Variants in HDHD5 observed in about 807,000 individuals in gnomAD.
HDHD5 encodes haloacid dehalogenase like hydrolase domain containing 5.
In HDHD5, 34 loss-of-function variants were observed where a neutral mutation model predicts 35.5. The ratio of observed to expected loss-of-function variants is 0.96; its 90% CI spans 0.73 to 1.28. The LOEUF is 1.28. Among genes scored for constraint, HDHD5 ranks in the 50% most tolerant of loss-of-function variants. The probability of loss-of-function intolerance (pLI) is 0.00; values close to 1 mark genes in which losing one functional copy is unlikely to be tolerated. For missense variants in HDHD5, 589 were observed against 560.2 expected (o/e 1.05, Z -0.52); for synonymous variants, 248 against 240.6 (o/e 1.03, Z -0.29).
chr22:17,159,815 T>TAGAGGC (rs2061849805), upstream of HDHD5: 3 of 279,638 alleles, frequency 1.1e-5, no homozygotes, highest in Non-Finnish European at 2.1e-5. Context: ...TGCGGAGAGG[T>TAGAGGC]AGAGGCACGA....
intron 7 of HDHD5, 29 bp from the exon 8 acceptor site, chr22:17,138,386 A>G: frequency 6.3e-7 from 1 of 1,588,882 alleles, no homozygotes; most frequent in Non-Finnish European, 8.6e-7. Context: ...CCGGAAAAGG[A>G]AAAAGGAGAA....
rs749692710 is a variant in HDHD5 at position 17,143,104 on chromosome 22, T to C, written c.565A>G (p.Ile189Val). 6.2e-7 allele frequency: 1 copy of C among 1,610,174 alleles called. No homozygotes were observed. The highest frequency in any genetic ancestry group is 1.7e-5 in the Admixed American group (1 of 59,296). Residue 189 changes from isoleucine (I) to valine (V), a missense_variant, in exon 5 of 8, where the codon ATT becomes GTT. By Grantham distance (29) the Ile-to-Val change is conservative. Transcript: ENST00000336737. The part of the protein sequence containing the change: ...TPLPRNDFPR[I>V]EGVLLLGEPV... ...CAAAGAGGACCTCTCTTACCTTCAA[T>C]GCGGGGGAAGTCATTCCTCGGGAGG...
upstream of HDHD5, among the ~76,000 whole-genome samples, chr22:17,161,652 G>C (rs748624309): frequency 1.1e-3 from 165 of 151,824 alleles, 1 homozygote; most frequent in Non-Finnish European, 1.6e-3. Flanking sequence ...TGGATCACTT[G>C]AGTCCAGGAA....
rs58807817 is a variant in HDHD5, at chr22:17,157,085, T to TACACAC, written c.126+2035_126+2040dup. Among the ~76,000 whole-genome samples the TACACAC allele has an allele frequency of 9.7e-3, 1,396 of 143,680 alleles. 13 individuals are homozygous for TACACAC. Among genetic ancestry groups the TACACAC allele is most frequent in the African/African-American group, 0.018 (684 of 38,334 alleles). The allele number at this position is 143,680 out of a possible 152,430, so 94.3% of individuals were successfully genotyped here. ...AGAGCTAGACACCGTCTCACACACA[T>TACACAC]ACACACACACACACACACACACACA... On this transcript the variant is annotated intron_variant, in intron 1 of 7. Transcript: ENST00000336737.
chr22:17,151,467 C>T (rs914421659), intron 1 of HDHD5, among the ~76,000 whole-genome samples: 3 of 152,070 alleles, frequency 2.0e-5, no homozygotes, highest in African/African-American at 7.2e-5. Flanking sequence ...TGGTGGCTCA[C>T]GCCTGTAATC....
chr22:17,144,054 C>CCT (rs2061629329), intron 4 of HDHD5, among the ~76,000 whole-genome samples: 1 of 152,206 alleles, frequency 6.6e-6, no homozygotes, highest in South Asian at 2.1e-4. Flanking sequence ...AAGCAAGCTA[C>CCT]CTCTCCCGAG....
At position 17,141,688 on chromosome 22, in the gene HDHD5, C is replaced by T. The variant is rs1020180522; in HGVS notation, c.572-455G>A. 163 of 890,818 alleles carry T rather than the reference C, an allele frequency of 1.8e-4. No homozygotes were observed. The African/African-American group carries it at 2.6e-3, about 14-fold the overall frequency. 55.2% of individuals were successfully genotyped at this position (890,818 alleles called of 1,614,324 possible). On this transcript the variant is annotated intron_variant, in intron 5 of 7. Transcript: ENST00000336737. ...ACTTGAAACCCAACCTGGACTCCAC[C>T]GATTCTCCTGTATGACTGTGGCCAA...
intron 1 of HDHD5, among the ~76,000 whole-genome samples, chr22:17,155,441 T>C (rs2061778845): frequency 6.6e-6 from 1 of 152,028 alleles, no homozygotes; most frequent in African/African-American, 2.4e-5. Context: ...GAGACGGGGT[T>C]TCACCATATT....
At chr22:17,152,459 A>G (rs1414234133) in intron 1 of HDHD5, among the ~76,000 whole-genome samples, 1 of 152,120 alleles carries the variant, frequency 6.6e-6, no homozygotes, top group Non-Finnish European at 1.5e-5. Context: ...ACGGACTCCC[A>G]TGCTTTTTTA....
At chr22:17,146,522 C>T (rs1456204527) in intron 3 of HDHD5, among the ~76,000 whole-genome samples, 1 of 137,776 alleles carries the variant, frequency 7.3e-6, no homozygotes, top group African/African-American at 2.7e-5. Flanking sequence ...TTCAATCACA[C>T]GTCATCGCAC....
intron 3 of HDHD5, among the ~76,000 whole-genome samples, chr22:17,145,459 T>C (rs1385235189): frequency 1.3e-5 from 2 of 152,126 alleles, no homozygotes; most frequent in African/African-American, 4.8e-5. Flanking sequence ...ATCCCAGCAC[T>C]TTGGGAGGCT....
At chr22:17,147,335 G>A (rs1375256465) in intron 3 of HDHD5, among the ~76,000 whole-genome samples, 19 of 93,846 alleles carry the variant, frequency 2.0e-4, no homozygotes, top group African/African-American at 1.4e-4. Flanking sequence ...ACACGCCATC[G>A]CACACGCCCC....
rs1333475920 is a variant in HDHD5 at position 17,143,099 on chromosome 22, T to A, written c.570A>T (p.Glu190Asp). The A allele has an allele frequency of 1.2e-6, 2 of 1,610,472 alleles. No individual in the cohort carries two copies. Among genetic ancestry groups the A allele is most frequent in the Non-Finnish European group, 1.7e-6 (2 of 1,178,552 alleles). Residue 190 changes from glutamate (E) to aspartate (D), a missense_variant and splice_region_variant, in exon 5 of 8, where the codon GAA becomes GAT. By Grantham distance (45) the Glu-to-Asp change is conservative. Coordinates refer to ENST00000336737, the MANE Select transcript of HDHD5 (RefSeq NM_033070.3). ...CTCATCAAAGAGGACCTCTCTTACC[T>A]TCAATGCGGGGGAAGTCATTCCTCG... ...PLPRNDFPRIEGVLLLGEPVR... is the reference protein window; with the variant it reads ...PLPRNDFPRIDGVLLLGEPVR...
rs2061706910 is a variant in HDHD5, at chr22:17,149,843, T to C, written c.127-98A>G. ...CCATCCTCGGGTCACTCATGTCCCT[T>C]GAAAACCTATGTCAGAAAGAACAAA... On this transcript the variant is annotated intron_variant, in intron 1 of 7. Coordinates refer to ENST00000336737, the MANE Select transcript of HDHD5 (RefSeq NM_033070.3). The C allele has an allele frequency of 1.0e-5, 10 of 971,386 alleles. No homozygotes were observed. In the South Asian group the frequency reaches 1.6e-4, roughly 16 times the overall value. The allele number at this position is 971,386 out of a possible 1,614,324, so 60.2% of individuals were successfully genotyped here.
At chr22:17,153,817 T>C (rs1450988052) in intron 1 of HDHD5, among the ~76,000 whole-genome samples, 5 of 152,052 alleles carry the variant, frequency 3.3e-5, no homozygotes, top group East Asian at 1.9e-4. Context: ...TAGGGAGAAA[T>C]AGATACTTCC....
At chr22:17,151,123 C>G (rs1329506472) in intron 1 of HDHD5, among the ~76,000 whole-genome samples, 1 of 152,156 alleles carries the variant, frequency 6.6e-6, no homozygotes, top group East Asian at 1.9e-4. Context: ...CCACTGGCAA[C>G]GTACTTTACC....
intron 5 of HDHD5, 66 bp downstream of exon 5, chr22:17,143,032 C>G (rs773818594): frequency 9.5e-6 from 15 of 1,576,996 alleles, no homozygotes; most frequent in Non-Finnish European, 1.2e-5. Context: ...CACACTGAGA[C>G]AGCCTGAGGG....
intron 3 of HDHD5, among the ~76,000 whole-genome samples, chr22:17,145,426 G>A (rs541223280): frequency 1.5e-4 from 23 of 152,208 alleles, no homozygotes; most frequent in Non-Finnish European, 2.4e-4. Context: ...GTCCCCAGCT[G>A]GGTGCAGTGG....
chr22:17,159,247 G>A lies in HDHD5; in HGVS notation c.5C>T (p.Ala2Val). ...GAGCGCAGCCACACAGCCCCACGCAGCCATCCGGCCGTCGCCGTGCGCACG... is the reference window on the plus strand; with the variant it reads ...GAGCGCAGCCACACAGCCCCACGCAACCATCCGGCCGTCGCCGTGCGCACG... M[A>V]AWGCVAALGA... The change falls in exon 1 of 8, where the codon GCT (alanine) becomes GTT (valine). Residue 2 changes from alanine to valine, a missense_variant. Ala to Val is a moderately conservative substitution (Grantham distance 64). Transcript: ENST00000336737. 1 of 1,226,600 alleles carries A rather than the reference G, an allele frequency of 8.2e-7. No individual in the cohort carries two copies. 76.0% of individuals were successfully genotyped at this position (1,226,600 alleles called of 1,614,324 possible). A position where few individuals can be genotyped will look rare whatever the true frequency, so the allele number is the denominator to read the frequency against.
Sources: allele counts gnomAD v4.1 joint callset (sites outside exome capture counted in the v4.1 genomes callset), GRCh38; gene constraint gnomAD v4.1.1; transcripts MANE v1.5; gene names NCBI Gene and HGNC (gene_info 2026-07-23, HGNC 2026-07-21).